The following KCNG1 variants were observed in gnomAD, a reference collection of about 807,000 sequenced individuals.
The protein encoded by KCNG1 is potassium voltage-gated channel modifier subfamily G member 1.
A neutral mutation model predicts 32.4 loss-of-function variants in KCNG1; 17 were observed. The observed-to-expected ratio is 0.52, with a 90% CI of 0.36 to 0.79. The LOEUF is 0.79. Among genes scored for constraint, KCNG1 ranks in the 30% least tolerant of loss-of-function variants. The pLI is 0.00. For missense variants in KCNG1, 441 were observed against 735.2 expected (o/e 0.60, Z 4.63); for synonymous variants, 358 against 339.9 (o/e 1.05, Z -0.59).
In KCNG1 at chr20:51,004,731, G is replaced by A. The variant is rs780426743; in HGVS notation, c.850C>T (p.Leu284Phe). 3.8e-6 allele frequency: 6 copies of A among 1,594,520 alleles called. No homozygotes were observed. The highest frequency in any genetic ancestry group is 1.7e-5 in the Admixed American group (1 of 57,210). Reference protein sequence around the residue: ...VCVGWFSLEFLLRLIQAPSKF... With the variant: ...VCVGWFSLEFFLRLIQAPSKF... ...CTGGGCGCCTGAATGAGCCGCAGGAGGAACTCCAGGGAGAACCAGCCCACG... is the reference window on the plus strand; with the variant it reads ...CTGGGCGCCTGAATGAGCCGCAGGAAGAACTCCAGGGAGAACCAGCCCACG... Residue 284 changes from leucine to phenylalanine, a missense_variant, in exon 3 of 3, where the codon CTC becomes TTC. This residue lies in a region of KCNG1 where 169 missense variants were observed against 297.7 expected (regional missense o/e 0.57). Transcript: ENST00000371571. This position sits in a 1 kb window ranked among gnomAD's most constrained non-coding sequence, Gnocchi z 4.3.
At chr20:51,016,168 G>A (rs1292383691) in intron 1 of KCNG1, among the ~76,000 whole-genome samples, 1 of 152,214 alleles carries the variant, frequency 6.6e-6, no homozygotes, top group Non-Finnish European at 1.5e-5. Flanking sequence ...CAGGCATGGT[G>A]GCTCATGCCT....
At chr20:51,017,049 A>C (rs1156875668) in intron 1 of KCNG1, among the ~76,000 whole-genome samples, 1 of 152,134 alleles carries the variant, frequency 6.6e-6, no homozygotes, top group Non-Finnish European at 1.5e-5. Flanking sequence ...AATTATTTGC[A>C]CTCAAATCCT....
Position 51,010,122 on chromosome 20 carries a change from T to G in KCNG1, c.217A>C (p.Lys73Gln). The part of the protein sequence containing the change: ...RRIIINVGGI[K>Q]YSLPWTTLDE... ...AGCGTGGTCCAGGGCAGCGAGTACT[T>G]GATGCCGCCTACGTTGATGATGATC... The change falls in exon 2 of 3, where the codon AAG (lysine) becomes CAG (glutamine). Residue 73 changes from lysine (K) to glutamine (Q), a missense_variant. Around this residue, in one of 6 missense-constraint regions of KCNG1, gnomAD observed 70 missense variants for 158.4 expected, o/e 0.44. Transcript: ENST00000371571. The G allele has an allele frequency of 6.2e-7, 1 of 1,613,762 alleles. No homozygotes were observed. The highest frequency in any genetic ancestry group is 1.1e-5 in the South Asian group (1 of 91,082).
intron 1 of KCNG1, chr20:51,014,037 G>A (rs1988186610): frequency 6.6e-6 from 1 of 152,144 alleles, no homozygotes. Context: ...CCCCCAATTA[G>A]TGATTTATTT....
In KCNG1 at chr20:51,004,547, A is replaced by G. The variant is rs1201046103; in HGVS notation, c.1034T>C (p.Leu345Pro). Residue 345 changes from leucine (L) to proline (P), a missense_variant, in exon 3 of 3, where the codon CTG becomes CCG. Transcript: ENST00000371571. This position sits in a 1 kb window ranked among gnomAD's most constrained non-coding sequence, Gnocchi z 4.3. ...CACGTACAGGATGCGCAGCGCCCGC[A>G]GCACGCGCAGCACCAGCCCCACCTT... ...LDKVGLVLRV[L>P]RALRILYVMR... 1 of 1,583,978 alleles carries G rather than the reference A, an allele frequency of 6.3e-7. No homozygotes were observed. The highest frequency in any genetic ancestry group is 1.3e-5 in the African/African-American group (1 of 74,344).
chr20:51,004,097 GAC>G lies in KCNG1; in HGVS notation c.1482_1483del (p.Ser495ProfsTer4). On this transcript the variant is annotated frameshift_variant, in exon 3 of 3. Coordinates refer to ENST00000371571, the MANE Select transcript of KCNG1 (RefSeq NM_002237.4). LOFTEE classifies it high-confidence loss of function. The surrounding 1 kb of genome is among the most constrained non-coding windows in gnomAD (Gnocchi z 4.3). ...TCCGAACAAGATGTCACTGTCCTGG[GAC>G]ACGCTCAGCTGCGACTTGGTTTTGA... 6.2e-7 allele frequency: 1 copy of G among 1,614,234 alleles called. No homozygotes were observed.
chr20:51,022,372 A>G (rs960895403), intron 1 of KCNG1, among the ~76,000 whole-genome samples: 61 of 152,172 alleles, frequency 4.0e-4, no homozygotes, highest in Non-Finnish European at 1.0e-4. Flanking sequence ...TGCCTAGCAC[A>G]CAGTAGGCGC....
intron 1 of KCNG1, among the ~76,000 whole-genome samples, chr20:51,021,204 C>T (rs1052520917): frequency 2.6e-5 from 4 of 152,252 alleles, no homozygotes; most frequent in Non-Finnish European, 5.9e-5. Flanking sequence ...CCAGGACAGA[C>T]ATCTTTCCCG....
intron 1 of KCNG1, among the ~76,000 whole-genome samples, chr20:51,014,770 G>A (rs1988217287): frequency 6.6e-6 from 1 of 152,166 alleles, no homozygotes; most frequent in Non-Finnish European, 1.5e-5. Context: ...GTGAGAGATG[G>A]AGAATGACTA....
At chr20:51,019,392 T>C (rs909233128) in intron 1 of KCNG1, among the ~76,000 whole-genome samples, 9 of 152,062 alleles carry the variant, frequency 5.9e-5, no homozygotes, top group Non-Finnish European at 1.2e-4. Flanking sequence ...GTACCTCTAG[T>C]CCCAGTGACT....
In KCNG1 at chr20:51,005,104, C is replaced by T; in HGVS notation, c.775-298G>A. On this transcript the variant is annotated intron_variant, in intron 2 of 2. Coordinates refer to ENST00000371571, the MANE Select transcript of KCNG1 (RefSeq NM_002237.4). The surrounding 1 kb of genome is among the most constrained non-coding windows in gnomAD (Gnocchi z 4.0). ...GGGTGTCTGAGGGGCATCTCGAACT[C>T]ACCATGGGATCCTGGTTTCCTCTGC... is the stretch of plus-strand genomic sequence containing the variant. 3.2e-6 allele frequency: 1 copy of T among 317,382 alleles called. No individual in the cohort carries two copies. The highest frequency in any genetic ancestry group is 5.7e-6 in the Non-Finnish European group (1 of 174,740). The allele number at this position is 317,382 out of a possible 1,614,324, so 19.7% of individuals were successfully genotyped here.
intron 2 of KCNG1, among the ~76,000 whole-genome samples, chr20:51,008,581 C>T (rs1987930382): frequency 6.6e-6 from 1 of 152,118 alleles, no homozygotes; most frequent in Non-Finnish European, 1.5e-5. Context: ...GATCCTTCTG[C>T]CTCCAGCTCC....
Position 51,015,297 on chromosome 20 carries a change from A to G in KCNG1, c.-26-4933T>C, listed in dbSNP as rs1025262875. On this transcript the variant is annotated intron_variant, in intron 1 of 2. Transcript: ENST00000371571. This position sits in a 1 kb window ranked among gnomAD's most constrained non-coding sequence, Gnocchi z 4.4. ...AGGATTCCAGGGGTGCCATTTACCG[A>G]GGCGACGGATAGGTGGCGCTATGGT... Among the ~76,000 whole-genome samples the G allele has an allele frequency of 2.0e-5, 3 of 152,120 alleles. No homozygotes were observed. Among genetic ancestry groups the G allele is most frequent in the Non-Finnish European group, 2.9e-5 (2 of 68,014 alleles).
intron 2 of KCNG1, chr20:51,006,402 C>A (rs1343066301): frequency 1.3e-5 from 2 of 152,238 alleles, no homozygotes; most frequent in Admixed American, 1.3e-4. Context: ...CTAAGTACAG[C>A]AATTTCCAGA....
In KCNG1 at chr20:51,009,745, G is replaced by C. The variant is rs143696824; in HGVS notation, c.594C>G (p.Gly198=). ...CCAGGCGGCCCTCGCCCTCGGCCGG[G>C]CCCTCGCTGTCGCGGCCCTCGCTGT... The part of the protein sequence containing the change: ...ALDSEGRDSE[G]PAEGEGRLGR... Residue 198 remains glycine (G), a synonymous_variant, in exon 2 of 3, where the codon GGC becomes GGG. Transcript: ENST00000371571. The C allele has an allele frequency of 1.9e-5, 31 of 1,608,352 alleles. No individual in the cohort carries two copies. In the African/African-American group the frequency reaches 4.0e-4, roughly 21 times the overall value.
Position 51,004,793 on chromosome 20 carries a change from T to G in KCNG1, c.788A>C (p.Gln263Pro). Residue 263 changes from glutamine (Q) to proline (P), a missense_variant, in exon 3 of 3, where the codon CAG becomes CCG. Physicochemically the swap from Gln to Pro is moderately conservative, Grantham distance 76. Coordinates refer to ENST00000371571, the MANE Select transcript of KCNG1 (RefSeq NM_002237.4). The surrounding 1 kb of genome is among the most constrained non-coding windows in gnomAD (Gnocchi z 4.3). ...REEEEQGHCSQMCHNVFIVES... is the reference protein window; with the variant it reads ...REEEEQGHCSPMCHNVFIVES... ...CACGATGAAGACGTTGTGGCACATCTGGGAACAGTGGCCCTGGGAGAGAGG... is the reference window on the plus strand; with the variant it reads ...CACGATGAAGACGTTGTGGCACATCGGGGAACAGTGGCCCTGGGAGAGAGG... 6.4e-7 allele frequency: 1 copy of G among 1,566,828 alleles called. No homozygotes were observed. The highest frequency in any genetic ancestry group is 8.7e-7 in the Non-Finnish European group (1 of 1,152,362).
intron 1 of KCNG1, among the ~76,000 whole-genome samples, chr20:51,013,025 C>T (rs1295141501): frequency 2.6e-5 from 4 of 152,164 alleles, no homozygotes; most frequent in East Asian, 1.9e-4. Context: ...AGCCCTCGAC[C>T]GGGTGCGGTG....
chr20:51,009,507 A>G (rs908780179), intron 2 of KCNG1, 58 bp downstream of exon 2: 9 of 1,493,546 alleles, frequency 6.0e-6, no homozygotes, highest in Admixed American at 4.5e-5. Context: ...GGAGGTGACA[A>G]TGCTCAGAGT....
At chr20:51,018,073 T>C (rs567133766) in intron 1 of KCNG1, among the ~76,000 whole-genome samples, 1 of 152,304 alleles carries the variant, frequency 6.6e-6, no homozygotes, top group South Asian at 2.1e-4. Context: ...TAAGGCGTTC[T>C]GAGTGGCAGT....
Sources: gnomAD v4.1 joint callset for allele counts (sites outside exome capture counted in the v4.1 genomes callset) on GRCh38, gnomAD v4.1.1 for gene constraint, gnomAD v4.1.1 regional missense constraint, Gnocchi (gnomAD v3.1) non-coding constraint, MANE v1.5 for transcripts, NCBI Gene and HGNC (gene_info 2026-07-23, HGNC 2026-07-21) for gene names.